Variants in ST8SIA5 observed in about 807,000 individuals in gnomAD.
ST8SIA5 encodes alpha-2,8-sialyltransferase 8E.
In ST8SIA5, 24 loss-of-function variants were observed where a neutral mutation model predicts 40.2. The ratio of observed to expected loss-of-function variants is 0.60; its 90% confidence interval spans 0.43 to 0.84. The LOEUF (loss-of-function observed/expected upper bound fraction) is 0.84, where lower values mean the gene tolerates loss of function less well. ST8SIA5 is among the 40% of genes least tolerant of loss of function. The pLI, the probability that ST8SIA5 is intolerant of heterozygous loss-of-function variation, is 0.00. For missense variants in ST8SIA5, 465 were observed against 498.5 expected, an observed-to-expected ratio of 0.93 and a Z score of 0.64; for synonymous variants, 198 against 201.8, an observed-to-expected ratio of 0.98 and a Z score of 0.16.
At chr18:46,737,105 C>T (rs184124427) in intron 1 of ST8SIA5, among the ~76,000 whole-genome samples, 25 of 152,326 alleles carry the variant, frequency 1.6e-4, no homozygotes, top group African/African-American at 5.8e-4. Flanking sequence ...CTTCACAGAG[C>T]TATGGTGTCT....
intron 1 of ST8SIA5, among the ~76,000 whole-genome samples, chr18:46,719,702 C>CTTTCTTTCTTTCTTTCTTTCTT (rs2039836751): frequency 6.7e-6 from 1 of 148,528 alleles, no homozygotes; most frequent in Admixed American, 6.8e-5. Context: ...TTCTTTCTTT[C>CTTTCTTTCTTTCTTTCTTTCTT]TTTCTCTCTT....
At chr18:46,743,442 A>C (rs2040106996) in intron 1 of ST8SIA5, among the ~76,000 whole-genome samples, 1 of 152,258 alleles carries the variant, frequency 6.6e-6, no homozygotes, top group Non-Finnish European at 1.5e-5. Flanking sequence ...AGCCGATTCG[A>C]TCAAGTGGAA....
At chr18:46,743,972 T>A (rs1251995813) in intron 1 of ST8SIA5, among the ~76,000 whole-genome samples, 1 of 152,108 alleles carries the variant, frequency 6.6e-6, no homozygotes, top group Non-Finnish European at 1.5e-5. Flanking sequence ...CTAAGCTTCA[T>A]AACTGAAGGA....
intron 1 of ST8SIA5, among the ~76,000 whole-genome samples, chr18:46,720,326 G>A (rs2039849404): frequency 1.3e-5 from 2 of 152,122 alleles, no homozygotes; most frequent in Admixed American, 1.3e-4. Flanking sequence ...GTGATGTCCA[G>A]AGCTCCCTCT....
chr18:46,700,352 A>G (rs752395126), intron 2 of ST8SIA5, among the ~76,000 whole-genome samples: 4 of 152,192 alleles, frequency 2.6e-5, no homozygotes, highest in Non-Finnish European at 5.9e-5. Flanking sequence ...GGCAAAGCAC[A>G]TCCATCAGCC....
At position 46,729,363 on chromosome 18, in the gene ST8SIA5, G is replaced by A. The variant is rs1044285616; in HGVS notation, c.132-24699C>T. On this transcript the variant is annotated intron_variant, in intron 1 of 6. Transcript: ENST00000315087. ...TTCTCAAAGTCCTTAAGCAACCAGAGTGGGGAAAGGGGGCCAGGGGTGGGT... is the reference window on the plus strand; with the variant it reads ...TTCTCAAAGTCCTTAAGCAACCAGAATGGGGAAAGGGGGCCAGGGGTGGGT... Among the ~76,000 whole-genome samples, 14 of 152,368 alleles carry A rather than the reference G, an allele frequency of 9.2e-5. No individual in the cohort carries two copies. In the East Asian group the frequency reaches 2.7e-3, roughly 29 times the overall value.
chr18:46,749,504 G>A (rs2040175232), intron 1 of ST8SIA5, among the ~76,000 whole-genome samples: 1 of 152,026 alleles, frequency 6.6e-6, no homozygotes, highest in Non-Finnish European at 1.5e-5. Context: ...AAGGTATAAT[G>A]GTAGTAATGA....
chr18:46,720,273 G>A (rs943354505), intron 1 of ST8SIA5, among the ~76,000 whole-genome samples: 2 of 152,138 alleles, frequency 1.3e-5, no homozygotes, highest in Non-Finnish European at 2.9e-5. Context: ...GCCAGCATGG[G>A]AGGCTCAGCT....
In ST8SIA5 at chr18:46,676,966, C is replaced by T. The variant is rs1289802604; in HGVS notation, c.*3076G>A. 2 of 150,968 alleles carry T rather than the reference C, an allele frequency of 1.3e-5. No individual in the cohort carries two copies. Among genetic ancestry groups the T allele is most frequent in the African/African-American group, 2.5e-5 (1 of 40,330 alleles). The allele number at this position is 150,968 out of a possible 1,614,324, so 9.4% of individuals were successfully genotyped here. On this transcript the variant is annotated 3_prime_UTR_variant, in exon 7 of 7. Coordinates refer to ENST00000315087, the MANE Select transcript of ST8SIA5 (RefSeq NM_013305.6). Reference sequence around the variant, plus strand: ...TTGAGCCACAAGCTGGCCATGTAGCCCTGGGCAAGTCATTCGTGTTGTCAC... The same window carrying T: ...TTGAGCCACAAGCTGGCCATGTAGCTCTGGGCAAGTCATTCGTGTTGTCAC...
chr18:46,725,847 A>G (rs2039912535), intron 1 of ST8SIA5, among the ~76,000 whole-genome samples: 2 of 150,520 alleles, frequency 1.3e-5, no homozygotes, highest in South Asian at 4.2e-4. Flanking sequence ...ATGGCTGGGC[A>G]CAGTGGCTCA....
chr18:46,739,688 T>C (rs1332443267), intron 1 of ST8SIA5, among the ~76,000 whole-genome samples: 5 of 152,178 alleles, frequency 3.3e-5, no homozygotes, highest in Admixed American at 1.3e-4. Context: ...AGAAGCCCTC[T>C]GGGGCAGGTG....
At chr18:46,715,943 G>C (rs2144519322) in intron 1 of ST8SIA5, among the ~76,000 whole-genome samples, 1 of 152,138 alleles carries the variant, frequency 6.6e-6, no homozygotes, top group African/African-American at 2.4e-5. Flanking sequence ...ACAGCAAGGA[G>C]CTGAGGGCAG....
At chr18:46,711,345 C>T (rs1351940564) in intron 1 of ST8SIA5, among the ~76,000 whole-genome samples, 2 of 152,164 alleles carry the variant, frequency 1.3e-5, no homozygotes, top group African/African-American at 4.8e-5. Flanking sequence ...AGCATAATTT[C>T]CCCCATTTTA....
intron 2 of ST8SIA5, among the ~76,000 whole-genome samples, chr18:46,699,656 G>A (rs564997571): frequency 1.3e-5 from 2 of 152,336 alleles, no homozygotes; most frequent in East Asian, 3.9e-4. Flanking sequence ...TGTGATTACA[G>A]GCATGAGCCA....
chr18:46,696,061 TGAG>T (rs1282040824), intron 2 of ST8SIA5, among the ~76,000 whole-genome samples: 1 of 152,216 alleles, frequency 6.6e-6, no homozygotes, highest in Non-Finnish European at 1.5e-5. Flanking sequence ...AAGGCTTTCC[TGAG>T]GAGGAGAACC....
chr18:46,756,308 C>T, intron 1 of ST8SIA5, 70 bp downstream of exon 1: 2 of 1,590,224 alleles, frequency 1.3e-6, no homozygotes, highest in Non-Finnish European at 1.7e-6. Context: ...CCGAAGCTGC[C>T]GCGGCCACTG....
chr18:46,745,609 C>T (rs948943622), intron 1 of ST8SIA5, among the ~76,000 whole-genome samples: 6 of 152,116 alleles, frequency 3.9e-5, no homozygotes, highest in African/African-American at 1.4e-4. Context: ...CAGGACCAAA[C>T]GGATTCACAG....
intron 1 of ST8SIA5, among the ~76,000 whole-genome samples, chr18:46,746,632 G>A (rs2040143325): frequency 6.6e-6 from 1 of 152,150 alleles, no homozygotes; most frequent in African/African-American, 2.4e-5. Context: ...TCATGAAAAT[G>A]GCCATACTGC....
chr18:46,754,623 G>C (rs1415051434), intron 1 of ST8SIA5, among the ~76,000 whole-genome samples: 1 of 152,204 alleles, frequency 6.6e-6, no homozygotes, highest in Non-Finnish European at 1.5e-5. Context: ...AGGGGGTCAG[G>C]GTCTCTGTGA....
Sources: allele counts gnomAD v4.1 joint callset (sites outside exome capture counted in the v4.1 genomes callset), GRCh38; gene constraint gnomAD v4.1.1; transcripts MANE v1.5; gene names NCBI Gene and HGNC (gene_info 2026-07-23, HGNC 2026-07-21).